The following GREB1 variants were observed in gnomAD, a reference collection of about 807,000 sequenced individuals.
GREB1 encodes protein GREB1.
A neutral mutation model predicts 200.7 loss-of-function variants in GREB1; 106 were observed. The ratio of observed to expected loss-of-function variants is 0.53; its 90% confidence interval spans 0.45 to 0.62. GREB1 has a LOEUF of 0.62. Ranked by LOEUF, GREB1 falls within the 20% of genes least tolerant of loss-of-function variation. GREB1 has a pLI of 0.00. For synonymous variants in GREB1, 1,132 were observed against 1,092.4 expected (o/e 1.04, Z -0.72); for missense variants, 2,243 against 2,556.8 (o/e 0.88, Z 2.65).
At chr2:11,605,144 C>CTTT (rs3035991) in intron 17 of GREB1, among the ~76,000 whole-genome samples, 749 of 44,738 alleles carry the variant, frequency 0.017, 81 homozygotes, top group East Asian at 0.038. Flanking sequence ...GAGCCTGCTT[C>CTTT]TTTTTTTTTT....
rs1685712681 is a variant in GREB1, at chr2:11,640,214, A to G, written c.5687-77A>G. On this transcript the variant is annotated intron_variant, in intron 32 of 32. Transcript: ENST00000381486. The surrounding 1 kb of genome is among the most constrained non-coding windows in gnomAD (Gnocchi z 4.6). The stretch of plus-strand genomic sequence containing the variant: ...AACAGCGCCCTGTCTTGTCATTGCA[A>G]GTAGAATCCGGGCAGCCGCTTTCCT... The G allele has an allele frequency of 6.3e-6, 9 of 1,422,958 alleles. No individual in the cohort carries two copies. The highest frequency in any genetic ancestry group is 8.6e-6 in the Non-Finnish European group (9 of 1,047,478). The allele number at this position is 1,422,958 out of a possible 1,614,324, so 88.1% of individuals were successfully genotyped here.
chr2:11,534,535 C>T (rs886177326), intron 1 of GREB1, among the ~76,000 whole-genome samples: 1 of 152,144 alleles, frequency 6.6e-6, no homozygotes, highest in African/African-American at 2.4e-5. Flanking sequence ...GGGGAGCGTG[C>T]GGCTTTCATA....
intron 1 of GREB1, among the ~76,000 whole-genome samples, chr2:11,537,733 A>G (rs1002793096): frequency 6.8e-6 from 1 of 147,654 alleles, no homozygotes; most frequent in Non-Finnish European, 1.5e-5. Flanking sequence ...TTTATATAAT[A>G]TATAATAATA....
chr2:11,545,669 C>G (rs1376205566), intron 1 of GREB1, among the ~76,000 whole-genome samples: 3 of 152,150 alleles, frequency 2.0e-5, no homozygotes, highest in African/African-American at 7.2e-5. Context: ...TAAAATTGTT[C>G]CAAATGTGTG....
At chr2:11,583,340 T>G (rs1408418347) in intron 7 of GREB1, among the ~76,000 whole-genome samples, 2 of 151,970 alleles carry the variant, frequency 1.3e-5, no homozygotes, top group Non-Finnish European at 2.9e-5. Flanking sequence ...GTTTGCAGAG[T>G]CTAAGGCCTC....
chr2:11,565,485 G>T (rs1351021820), intron 3 of GREB1, among the ~76,000 whole-genome samples: 1 of 152,328 alleles, frequency 6.6e-6, no homozygotes, highest in East Asian at 1.9e-4. Context: ...TCCCAGAGAG[G>T]TCTCAGTCGG....
intron 11 of GREB1, among the ~76,000 whole-genome samples, chr2:11,595,007 T>TAAA (rs759502671): frequency 9.9e-5 from 15 of 151,552 alleles, no homozygotes; most frequent in Non-Finnish European, 1.8e-4. Context: ...TTTTTTTTTT[T>TAAA]TAAATAAATT....
chr2:11,583,915 T>C (rs902879829), intron 7 of GREB1, among the ~76,000 whole-genome samples: 17 of 152,078 alleles, frequency 1.1e-4, no homozygotes, highest in African/African-American at 4.1e-4. Context: ...TACTGTCGTT[T>C]CCAGAGATGT....
intron 1 of GREB1, among the ~76,000 whole-genome samples, chr2:11,488,883 AAAAAAAAG>A (rs1159899023): frequency 8.7e-6 from 1 of 115,542 alleles, no homozygotes; most frequent in Non-Finnish European, 2.0e-5. Context: ...TAAAAAAAAA[AAAAAAAAG>A]ATTGAGAAGC....
intron 22 of GREB1, 50 bp from the exon 23 acceptor site, chr2:11,620,855 A>C: frequency 1.9e-6 from 2 of 1,077,458 alleles, no homozygotes; most frequent in South Asian, 1.3e-5. Flanking sequence ...GGTGCCTGGC[A>C]CGCGGATGGG....
chr2:11,578,290 C>G lies in GREB1; in HGVS notation c.638-7C>G, dbSNP rs751650931. 2.3e-5 allele frequency: 37 copies of G among 1,611,320 alleles called. No individual in the cohort carries two copies. The highest frequency in any genetic ancestry group is 2.9e-5 in the Non-Finnish European group (34 of 1,177,910). On this transcript the variant is annotated splice_polypyrimidine_tract_variant and splice_region_variant and intron_variant, in intron 5 of 32. Coordinates refer to ENST00000381486, the MANE Select transcript of GREB1 (RefSeq NM_014668.4). ...TTGGTTTTCACGTGTGCACCTTGCC[C>G]CCTTAGAGTTTAGAAGCCGGCAGAT...
Position 11,618,787 on chromosome 2 carries a change from A to G in GREB1, c.3912A>G (p.Thr1304=), listed in dbSNP as rs1683739322. The G allele has an allele frequency of 6.2e-7, 1 of 1,611,382 alleles. No individual in the cohort carries two copies. The highest frequency in any genetic ancestry group is 1.3e-5 in the African/African-American group (1 of 74,908). Residue 1304 remains threonine, a synonymous_variant, in exon 22 of 33, where the codon ACA becomes ACG. Transcript: ENST00000381486. ...GCCCCCTGCTCAGCAAGACCATGAC[A>G]TCCACCGAGCAGTCCCTCTACTACC... The part of the protein sequence containing the change: ...SFRPLLSKTM[T]STEQSLYYRQ...
At chr2:11,606,555 C>CGCTTCT (rs1164823293) in intron 17 of GREB1, among the ~76,000 whole-genome samples, 2 of 152,030 alleles carry the variant, frequency 1.3e-5, no homozygotes, top group Admixed American at 6.5e-5. Flanking sequence ...GCTCTATAAT[C>CGCTTCT]GCTTCTGATA....
rs79864132 is a variant in GREB1, at chr2:11,556,511, G to A, written c.-104G>A. 12,625 of 914,494 alleles carry A rather than the reference G, an allele frequency of 0.014. 1,063 individuals carry two copies. The African/African-American group carries it at 0.18, about 13-fold the overall frequency. 56.6% of individuals were successfully genotyped at this position (914,494 alleles called of 1,614,324 possible). A position where few individuals can be genotyped will look rare whatever the true frequency, so the allele number is the denominator to read the frequency against. On this transcript the variant is annotated 5_prime_UTR_variant, in exon 2 of 33. Coordinates refer to ENST00000381486, the MANE Select transcript of GREB1 (RefSeq NM_014668.4). Reference sequence around the variant, plus strand: ...GTCTCTGCTGAGCGAAGGCTACACGGCCCTTCCTCCTTGCAGCTGTTTCAC... The same window carrying A: ...GTCTCTGCTGAGCGAAGGCTACACGACCCTTCCTCCTTGCAGCTGTTTCAC...
intron 2 of GREB1, among the ~76,000 whole-genome samples, chr2:11,557,561 G>A (rs1341865512): frequency 6.6e-6 from 1 of 152,232 alleles, no homozygotes; most frequent in Admixed American, 6.5e-5. Flanking sequence ...GAGTGTGTAT[G>A]TGGAAGGGGA....
At chr2:11,602,897 G>T (rs1327329350) in intron 17 of GREB1, among the ~76,000 whole-genome samples, 1 of 152,202 alleles carries the variant, frequency 6.6e-6, no homozygotes, top group Non-Finnish European at 1.5e-5. Context: ...TTTTATTTCC[G>T]ATGCATATCA....
In GREB1 at chr2:11,614,784, C is replaced by T. The variant is rs148229380; in HGVS notation, c.3123-307C>T. Among the ~76,000 whole-genome samples, 638 of 152,222 alleles carry T rather than the reference C, an allele frequency of 4.2e-3. 5 individuals are homozygous for T. Among genetic ancestry groups the T allele is most frequent in the African/African-American group, 0.014 (590 of 41,538 alleles). The stretch of plus-strand genomic sequence containing the variant: ...TTCACCGTGTTAGCCAGGATGGTCT[C>T]GATCTCCTGACCTTGTGATCCGCCC... On this transcript the variant is annotated intron_variant, in intron 19 of 32. Transcript: ENST00000381486.
At chr2:11,488,918 C>T (rs896725315) in intron 1 of GREB1, among the ~76,000 whole-genome samples, 5 of 134,066 alleles carry the variant, frequency 3.7e-5, no homozygotes, top group Non-Finnish European at 6.5e-5. Flanking sequence ...TATGACACAC[C>T]GCATTTGCAG....
In GREB1 at chr2:11,617,290, C is replaced by T. The variant is rs537958867; in HGVS notation, c.3412+570C>T. 2.0e-4 allele frequency among the ~76,000 whole-genome samples: 31 copies of T among 152,310 alleles called. No homozygotes were observed. The Middle Eastern group carries it at 0.01, about 50-fold the overall frequency. ...GATCCCGCAGAGGAGGGCAGAGCCC[C>T]TGGTGAGAAACAGAGGCCCCGGGCA... On this transcript the variant is annotated intron_variant, in intron 21 of 32. Transcript: ENST00000381486.
Sources: gnomAD v4.1 joint callset for allele counts (sites outside exome capture counted in the v4.1 genomes callset) on GRCh38, gnomAD v4.1.1 for gene constraint, Gnocchi (gnomAD v3.1) non-coding constraint, MANE v1.5 for transcripts, NCBI Gene and HGNC (gene_info 2026-07-23, HGNC 2026-07-21) for gene names.